The following IL1RAPL1 variants were observed in gnomAD, a reference collection of about 807,000 sequenced individuals.
The protein encoded by IL1RAPL1 is interleukin 1 receptor accessory protein like 1.
A neutral mutation model predicts 48.4 loss-of-function variants in IL1RAPL1; 3 were observed. That is an observed-to-expected ratio of 0.06 (90% CI 0.03 to 0.16). IL1RAPL1 has a LOEUF of 0.16. IL1RAPL1 is among the 10% of genes least tolerant of loss of function. The probability of loss-of-function intolerance (pLI) is 1.00; values close to 1 mark genes in which losing one functional copy is unlikely to be tolerated. For synonymous variants in IL1RAPL1, 185 were observed against 187.7 expected (o/e 0.99, Z 0.12); for missense variants, 349 against 530.6 (o/e 0.66, Z 3.36).
intron 2 of IL1RAPL1, among the ~76,000 whole-genome samples, chrX:28,811,754 G>T (rs1936795384): frequency 9.0e-6 from 1 of 111,293 alleles, no homozygotes; most frequent in Non-Finnish European, 1.9e-5. Context: ...GTGAAAGCAG[G>T]TGTTGAGATG....
intron 2 of IL1RAPL1, among the ~76,000 whole-genome samples, chrX:29,099,019 G>C (rs1928275026): frequency 9.0e-6 from 1 of 110,940 alleles, no homozygotes; most frequent in Admixed American, 9.6e-5. Flanking sequence ...GGGCATGGTG[G>C]TGGGCGCCTG....
intron 5 of IL1RAPL1, among the ~76,000 whole-genome samples, chrX:29,491,756 T>C: frequency 9.0e-6 from 1 of 111,288 alleles, no homozygotes; most frequent in East Asian, 2.8e-4. Context: ...CGCCCAGGCG[T>C]TTCAGTTGCA....
At chrX:29,397,740 C>G (rs1461695422) in intron 4 of IL1RAPL1, among the ~76,000 whole-genome samples, 1 of 111,439 alleles carries the variant, frequency 9.0e-6, no homozygotes, top group Non-Finnish European at 1.9e-5. Context: ...GAATTTGACC[C>G]AAAGTCTCCA....
At position 29,933,318 on chromosome X, in the gene IL1RAPL1, G is replaced by C. The variant is rs1932977066; in HGVS notation, c.1058-8333G>C. Among the ~76,000 whole-genome samples, 4 of 111,194 alleles carry C rather than the reference G, an allele frequency of 3.6e-5. No homozygotes were observed. The Admixed American group carries it at 3.8e-4, about 11-fold the overall frequency. ...CTGCGCGTTCTGCACATGTACCCCA[G>C]AACTTATAATAAAAGAAAATGGAAC... On this transcript the variant is annotated intron_variant, in intron 8 of 10. Coordinates refer to ENST00000378993, the MANE Select transcript of IL1RAPL1 (RefSeq NM_014271.4).
chrX:29,913,461 G>T (rs755970071), intron 6 of IL1RAPL1, among the ~76,000 whole-genome samples: 101 of 100,294 alleles, frequency 1.0e-3, no homozygotes, highest in Middle Eastern at 5.3e-3. Flanking sequence ...CATATATATA[G>T]AGAGAAAAAT....
intron 2 of IL1RAPL1, among the ~76,000 whole-genome samples, chrX:29,000,284 C>T (rs763403916): frequency 4.5e-4 from 50 of 111,652 alleles, no homozygotes; most frequent in Non-Finnish European, 7.3e-4. Context: ...AAGGCATAGT[C>T]TGGTTGAAGC....
intron 6 of IL1RAPL1, among the ~76,000 whole-genome samples, chrX:29,862,355 T>G (rs1455986135): frequency 9.0e-6 from 1 of 111,694 alleles, no homozygotes; most frequent in Admixed American, 9.5e-5. Flanking sequence ...ATTCTCATTC[T>G]GAAAGTCTTT....
In IL1RAPL1 at chrX:29,364,043, C is replaced by A. The variant is rs140476601; in HGVS notation, c.363-32215C>A. 6.2e-3 allele frequency among the ~76,000 whole-genome samples: 694 copies of A among 112,435 alleles called. 8 individuals carry two copies. Among genetic ancestry groups the A allele is most frequent in the African/African-American group, 0.018 (563 of 30,982 alleles). On this transcript the variant is annotated intron_variant, in intron 3 of 10. Transcript: ENST00000378993. ...AGAAAACTTTTCTGATGTAGTTTAT[C>A]TGAATGACCTGTTCCTAAATCATGA... is the stretch of plus-strand genomic sequence containing the variant.
chrX:29,867,465 C>T (rs1204746460), intron 6 of IL1RAPL1, among the ~76,000 whole-genome samples: 2 of 111,356 alleles, frequency 1.8e-5, no homozygotes, highest in Non-Finnish European at 3.8e-5. Context: ...TTTGCCATTC[C>T]ACCACTTGAG....
chrX:28,960,864 G>A (rs1043028635), intron 2 of IL1RAPL1, among the ~76,000 whole-genome samples: 8 of 109,210 alleles, frequency 7.3e-5, no homozygotes, highest in Non-Finnish European at 1.3e-4. Flanking sequence ...CAAAAAATTA[G>A]CCAGGCGTGG....
intron 1 of IL1RAPL1, among the ~76,000 whole-genome samples, chrX:28,768,872 T>C (rs911025374): frequency 1.1e-4 from 11 of 99,591 alleles, no homozygotes; most frequent in Non-Finnish European, 1.6e-4. Flanking sequence ...CTATAAGAGC[T>C]ATACTTTTTA....
At chrX:29,292,788 G>C (rs1038221939) in intron 3 of IL1RAPL1, among the ~76,000 whole-genome samples, 2 of 109,914 alleles carry the variant, frequency 1.8e-5, no homozygotes, top group Non-Finnish European at 3.8e-5. Context: ...GAGAATATCA[G>C]CTATAATTTA....
intron 2 of IL1RAPL1, among the ~76,000 whole-genome samples, chrX:29,171,467 A>G (rs1929906149): frequency 8.9e-6 from 1 of 111,797 alleles, no homozygotes; most frequent in Non-Finnish European, 1.9e-5. Flanking sequence ...ATTATTGAAT[A>G]AATTCAAACA....
At chrX:29,223,776 C>T (rs1392545061) in intron 2 of IL1RAPL1, among the ~76,000 whole-genome samples, 1 of 110,282 alleles carries the variant, frequency 9.1e-6, no homozygotes, top group East Asian at 2.8e-4. Context: ...ATCTCCTGAC[C>T]TCATGATCCA....
chrX:29,889,405 AATATG>A (rs777920409), intron 6 of IL1RAPL1, among the ~76,000 whole-genome samples: 2 of 111,946 alleles, frequency 1.8e-5, no homozygotes, highest in Non-Finnish European at 3.8e-5. Context: ...CCCATTTCAA[AATATG>A]ATATATTAAT....
chrX:29,699,522 G>A (rs1926999695), intron 6 of IL1RAPL1, among the ~76,000 whole-genome samples: 1 of 112,240 alleles, frequency 8.9e-6, no homozygotes, highest in African/African-American at 3.2e-5. Flanking sequence ...AAAGAACTTT[G>A]TTACAATGAT....
At chrX:29,522,912 TTC>T (rs761878581) in intron 5 of IL1RAPL1, among the ~76,000 whole-genome samples, 71 of 106,612 alleles carry the variant, frequency 6.7e-4, no homozygotes, top group Non-Finnish European at 6.6e-4. Flanking sequence ...CTCATCTGTG[TTC>T]TCTCTCTCTC....
At chrX:29,646,263 A>G (rs914420545) in intron 5 of IL1RAPL1, among the ~76,000 whole-genome samples, 1 of 112,387 alleles carries the variant, frequency 8.9e-6, no homozygotes, top group Admixed American at 9.4e-5. Flanking sequence ...AATGATAATA[A>G]TAAAATATTC....
intron 2 of IL1RAPL1, among the ~76,000 whole-genome samples, chrX:29,250,715 TC>T (rs1175489459): frequency 8.9e-6 from 1 of 111,850 alleles, no homozygotes; most frequent in African/African-American, 3.2e-5. Flanking sequence ...CTTTGATACT[TC>T]CATGTAAACT....
Sources: gnomAD v4.1 joint callset for allele counts (sites outside exome capture counted in the v4.1 genomes callset) on GRCh38, gnomAD v4.1.1 for gene constraint, MANE v1.5 for transcripts, NCBI Gene and HGNC (gene_info 2026-07-23, HGNC 2026-07-21) for gene names.